The following ZHX2 variants were observed in gnomAD, a reference collection of about 807,000 sequenced individuals.
ZHX2 encodes the protein zinc fingers and homeoboxes 2.
Under a neutral mutation model 21.9 loss-of-function variants are expected in ZHX2, and 6 were observed. That is an observed-to-expected ratio of 0.27 (90% CI 0.15 to 0.54). ZHX2 has a LOEUF of 0.54. Ranked by LOEUF, ZHX2 falls within the 20% of genes least tolerant of loss-of-function variation. The pLI is 0.95. For synonymous variants in ZHX2, 434 were observed against 437.1 expected (o/e 0.99, Z 0.09); for missense variants, 908 against 1,090.7 (o/e 0.83, Z 2.36).
rs1243745343 is a variant in ZHX2, at chr8:122,953,223, A to G, written c.1713A>G (p.Arg571=). 6.2e-7 allele frequency: 1 copy of G among 1,613,874 alleles called. No homozygotes were observed. The highest frequency in any genetic ancestry group is 1.1e-5 in the South Asian group (1 of 91,066). ...RLRVETKLSR[R]EIDSWFSERR... The stretch of plus-strand genomic sequence containing the variant: ...GGGTGGAGACCAAGCTGAGCAGGAG[A>G]GAGATCGACTCCTGGTTCTCGGAGA... The change falls in exon 3 of 4, where the codon AGA becomes AGG. Residue 571 remains arginine (R), a synonymous_variant. Transcript: ENST00000314393. The surrounding 1 kb of genome is among the most constrained non-coding windows in gnomAD (Gnocchi z 4.6).
At chr8:122,961,324 G>A (rs566370932) in intron 3 of ZHX2, among the ~76,000 whole-genome samples, 1 of 152,286 alleles carries the variant, frequency 6.6e-6, no homozygotes, top group East Asian at 1.9e-4. Context: ...CCTCCTTAAA[G>A]GCACTATCTC....
intron 1 of ZHX2, among the ~76,000 whole-genome samples, chr8:122,830,719 C>T (rs1007639669): frequency 2.6e-5 from 4 of 152,068 alleles, no homozygotes; most frequent in South Asian, 2.1e-4. Context: ...AATGAAACAC[C>T]GTGTCTGGAT....
At chr8:122,823,613 C>T (rs892115365) in intron 1 of ZHX2, among the ~76,000 whole-genome samples, 10 of 152,218 alleles carry the variant, frequency 6.6e-5, no homozygotes, top group Non-Finnish European at 1.3e-4. Flanking sequence ...CGACTGTCTC[C>T]ATGCCCACTT....
chr8:122,804,556 G>T (rs941008934), intron 1 of ZHX2, among the ~76,000 whole-genome samples: 1 of 152,208 alleles, frequency 6.6e-6, no homozygotes, highest in Non-Finnish European at 1.5e-5. Context: ...ACATAGGCAG[G>T]TGCACAAGGT....
chr8:122,942,047 T>C (rs995754698), intron 2 of ZHX2, among the ~76,000 whole-genome samples: 2 of 152,188 alleles, frequency 1.3e-5, no homozygotes, highest in African/African-American at 4.8e-5. Flanking sequence ...GGCAATTCTG[T>C]TTAACAGAAG....
intron 1 of ZHX2, among the ~76,000 whole-genome samples, chr8:122,839,265 T>G (rs140959112): frequency 6.6e-6 from 1 of 152,198 alleles, no homozygotes; most frequent in African/African-American, 2.4e-5. Context: ...GCACAAGCAA[T>G]GGACAAAATC....
At chr8:122,826,726 T>A (rs903445404) in intron 1 of ZHX2, among the ~76,000 whole-genome samples, 1 of 152,082 alleles carries the variant, frequency 6.6e-6, no homozygotes, top group African/African-American at 2.4e-5. Flanking sequence ...GGTGGAAGCT[T>A]CTAGAATGTG....
chr8:122,875,454 A>G (rs898966502), intron 2 of ZHX2, among the ~76,000 whole-genome samples: 1 of 152,210 alleles, frequency 6.6e-6, no homozygotes, highest in Middle Eastern at 3.4e-3. Flanking sequence ...AGTAGTGTCA[A>G]CCACACCTGG....
In ZHX2 at chr8:122,803,488, C is replaced by T. The variant is rs138731434; in HGVS notation, c.-283+21542C>T. Among the ~76,000 whole-genome samples, 220 of 152,320 alleles carry T rather than the reference C, an allele frequency of 1.4e-3. 1 individual carries two copies. The highest frequency in any genetic ancestry group is 4.2e-3 in the African/African-American group (174 of 41,576). On this transcript the variant is annotated intron_variant, in intron 1 of 3. Transcript: ENST00000314393. Reference sequence around the variant, plus strand: ...CCCGTTCTGGCCTGGATCATTCTTTCGTGAAGGGCTGTCCTGTGCATCATA... The same window carrying T: ...CCCGTTCTGGCCTGGATCATTCTTTTGTGAAGGGCTGTCCTGTGCATCATA...
intron 2 of ZHX2, among the ~76,000 whole-genome samples, chr8:122,888,763 G>A (rs1022580449): frequency 2.6e-5 from 4 of 152,188 alleles, no homozygotes; most frequent in Non-Finnish European, 4.4e-5. Context: ...GATTATAGGC[G>A]TGAGCCACCG....
chr8:122,810,398 C>T (rs540259109), intron 1 of ZHX2: 1 of 152,332 alleles, frequency 6.6e-6, no homozygotes, highest in Admixed American at 6.5e-5. Context: ...TATCATTTCA[C>T]TGTGGTCAGA....
At chr8:122,965,918 T>C (rs1813575674) in intron 3 of ZHX2, among the ~76,000 whole-genome samples, 1 of 152,220 alleles carries the variant, frequency 6.6e-6, no homozygotes, top group African/African-American at 2.4e-5. Context: ...CTTTGTCTTT[T>C]TTAACTGTTG....
At chr8:122,924,047 C>T (rs16897686) in intron 2 of ZHX2, among the ~76,000 whole-genome samples, 2,375 of 152,238 alleles carry the variant, frequency 0.016, 68 homozygotes, top group Admixed American at 0.068. Context: ...TTGTCCAGGC[C>T]GTGATTACCT....
At chr8:122,958,871 A>G (rs1311346134) in intron 3 of ZHX2, among the ~76,000 whole-genome samples, 2 of 152,234 alleles carry the variant, frequency 1.3e-5, no homozygotes, top group East Asian at 1.9e-4. Flanking sequence ...TAGTCTGTGT[A>G]GATTTGCCAG....
intron 2 of ZHX2, among the ~76,000 whole-genome samples, chr8:122,941,695 C>T (rs551599614): frequency 6.6e-6 from 1 of 151,732 alleles, no homozygotes; most frequent in South Asian, 2.1e-4. Context: ...CTGTGAACAT[C>T]TCTGTGTCTT....
chr8:122,867,208 A>G (rs16897576), intron 2 of ZHX2, among the ~76,000 whole-genome samples: 2,515 of 152,260 alleles, frequency 0.017, 60 homozygotes, highest in African/African-American at 0.057. Flanking sequence ...CTTGTTTTAT[A>G]TCAGAGGGAC....
At chr8:122,922,008 C>T (rs1016579021) in intron 2 of ZHX2, among the ~76,000 whole-genome samples, 1 of 152,144 alleles carries the variant, frequency 6.6e-6, no homozygotes, top group Admixed American at 6.5e-5. Flanking sequence ...ACACAGGGGC[C>T]TCTAGAAGCT....
intron 2 of ZHX2, among the ~76,000 whole-genome samples, chr8:122,916,069 G>T (rs1335638629): frequency 3.0e-4 from 46 of 152,236 alleles, no homozygotes; most frequent in Non-Finnish European, 8.8e-5. Context: ...TCTTGCCTCA[G>T]TGGGTTTCAA....
chr8:122,786,332 A>G (rs1190319653), intron 1 of ZHX2, among the ~76,000 whole-genome samples: 2 of 152,190 alleles, frequency 1.3e-5, no homozygotes, highest in Non-Finnish European at 2.9e-5. Context: ...CAAGGAGATG[A>G]TATCAGAGCA....
Sources: gnomAD v4.1 joint callset for allele counts (sites outside exome capture counted in the v4.1 genomes callset) on GRCh38, gnomAD v4.1.1 for gene constraint, Gnocchi (gnomAD v3.1) non-coding constraint, MANE v1.5 for transcripts, NCBI Gene and HGNC (gene_info 2026-07-23, HGNC 2026-07-21) for gene names.